The following SSUH2 variants were observed in gnomAD, a reference collection of about 807,000 sequenced individuals.
The protein encoded by SSUH2 is ssu-2 homolog.
SSUH2 carries 47 observed loss-of-function variants against 55.3 expected under a neutral mutation model. The observed-to-expected ratio is 0.85, with a 90% CI of 0.67 to 1.08. The LOEUF (loss-of-function observed/expected upper bound fraction) is 1.08, where lower values mean the gene tolerates loss of function less well. SSUH2 is among the 50% of genes least tolerant of loss of function. The pLI, the probability that SSUH2 is intolerant of heterozygous loss-of-function variation, is 0.00. For synonymous variants in SSUH2, 212 were observed against 191.5 expected (o/e 1.11, Z -0.89); for missense variants, 535 against 490.7 (o/e 1.09, Z -0.85).
chr3:8,629,633 C>CTGTCTCACCAGTGGTTCACAGA, intron 7 of SSUH2, 31 bp downstream of exon 7: 4 of 1,587,720 alleles, frequency 2.5e-6, no homozygotes, highest in Non-Finnish European at 3.5e-6. Context: ...CACACCCTCA[C>CTGTCTCACCAGTGGTTCACAGA]TGACTCACCA....
chr3:8,664,052 C>G, intron 5 of SSUH2: 2 of 334,414 alleles, frequency 6.0e-6, no homozygotes, highest in Admixed American at 7.9e-5. Context: ...GAGGTTTCTG[C>G]TGACCCAGGT....
At chr3:8,652,220 C>G (rs1381343479) in intron 7 of SSUH2, 1 of 152,386 alleles carries the variant, frequency 6.6e-6, no homozygotes, top group Admixed American at 6.5e-5. Flanking sequence ...TCCAAGCACA[C>G]AGAGCCCTCC....
intron 4 of SSUH2, among the ~76,000 whole-genome samples, chr3:8,671,376 C>A (rs1047326367): frequency 6.6e-6 from 1 of 151,886 alleles, no homozygotes; most frequent in Non-Finnish European, 1.5e-5. Context: ...GAGTGTACAC[C>A]CTCTGTGATA....
At chr3:8,628,941 T>C (rs1201952553) in intron 7 of SSUH2, among the ~76,000 whole-genome samples, 2 of 152,338 alleles carry the variant, frequency 1.3e-5, no homozygotes, top group African/African-American at 2.4e-5. Flanking sequence ...CTGCAAGCTC[T>C]GCCTCCTGGG....
At chr3:8,641,230 T>C (rs1700782208) in intron 1 of SSUH2, among the ~76,000 whole-genome samples, 1 of 152,194 alleles carries the variant, frequency 6.6e-6, no homozygotes, top group Non-Finnish European at 1.5e-5. Context: ...TAAGAATCCT[T>C]TGTAAAAGGT....
At chr3:8,640,850 C>A (rs947835700) in intron 1 of SSUH2, among the ~76,000 whole-genome samples, 1 of 152,198 alleles carries the variant, frequency 6.6e-6, no homozygotes, top group Non-Finnish European at 1.5e-5. Flanking sequence ...AGCAAGAATG[C>A]AGCAAATATT....
chr3:8,644,338 A>C (rs941985950), intron 1 of SSUH2, among the ~76,000 whole-genome samples: 8 of 152,214 alleles, frequency 5.3e-5, no homozygotes, highest in Non-Finnish European at 8.8e-5. Context: ...GGAGCAGGAG[A>C]CACTGTCAAC....
At chr3:8,672,914 C>T (rs556240850) in intron 3 of SSUH2, among the ~76,000 whole-genome samples, 4 of 152,062 alleles carry the variant, frequency 2.6e-5, no homozygotes, top group South Asian at 2.1e-4. Flanking sequence ...ACACCTGCTG[C>T]GATATTGAAC....
intron 7 of SSUH2, among the ~76,000 whole-genome samples, chr3:8,653,917 A>C (rs1702683060): frequency 6.6e-6 from 1 of 152,156 alleles, no homozygotes; most frequent in African/African-American, 2.4e-5. Flanking sequence ...CCCAGTGGGA[A>C]CCGTTCCCCT....
At chr3:8,642,601 C>T (rs764687968) in intron 1 of SSUH2, among the ~76,000 whole-genome samples, 3 of 152,232 alleles carry the variant, frequency 2.0e-5, no homozygotes, top group Admixed American at 6.5e-5. Context: ...AGGAGATTTG[C>T]ACATGGGTGC....
chr3:8,623,394 G>A (rs745725730), intron 11 of SSUH2, 155 bp downstream of exon 11: 4 of 586,804 alleles, frequency 6.8e-6, no homozygotes, highest in Admixed American at 2.8e-5. Context: ...CATGCCCTGG[G>A]GCCTTAGGTC....
chr3:8,679,219 A>C (rs1705753590), intron 2 of SSUH2, among the ~76,000 whole-genome samples: 1 of 5,570 alleles, frequency 1.8e-4, no homozygotes, highest in Admixed American at 1.9e-3. Flanking sequence ...GGGGGATGGC[A>C]CCCTCCGTGA....
rs143788656 is a variant in SSUH2 at position 8,623,485 on chromosome 3, G to A, written c.981+64C>T. ...CATCCTTCCGCTCCGACGTTCTCAG[G>A]AAAGAGGGCTCAGCAGCCCAGGAAG... On this transcript the variant is annotated intron_variant, in intron 11 of 11. Coordinates refer to ENST00000544814, the MANE Select transcript of SSUH2 (RefSeq NM_001256748.3). The A allele has an allele frequency of 7.9e-6, 8 of 1,010,958 alleles. No homozygotes were observed. The East Asian group carries it at 1.0e-4, about 13-fold the overall frequency. The allele number at this position is 1,010,958 out of a possible 1,614,324, so 62.6% of individuals were successfully genotyped here. A position where few individuals can be genotyped will look rare whatever the true frequency, so the allele number is the denominator to read the frequency against.
rs955479861 is a variant in SSUH2, at chr3:8,619,538, G to A, written c.*330C>T. The A allele has an allele frequency of 1.2e-5, 3 of 240,110 alleles. No homozygotes were observed. The highest frequency in any genetic ancestry group is 2.4e-5 in the Non-Finnish European group (3 of 125,890). 14.9% of individuals were successfully genotyped at this position (240,110 alleles called of 1,614,324 possible). A position where few individuals can be genotyped will look rare whatever the true frequency, so the allele number is the denominator to read the frequency against. On this transcript the variant is annotated 3_prime_UTR_variant, in exon 12 of 12. Coordinates refer to ENST00000544814, the MANE Select transcript of SSUH2 (RefSeq NM_001256748.3). ...CACACCAGAACCAAGACCGACAAAG[G>A]GAAAAAGCAAAATCAAATCACACGC...
At chr3:8,629,614 C>A in intron 7 of SSUH2, 50 bp downstream of exon 7, 1 of 680,208 alleles carries the variant, frequency 1.5e-6, no homozygotes, top group Non-Finnish European at 2.2e-6. Flanking sequence ...CCCAGGATCC[C>A]CCGGCCACCA....
intron 5 of SSUH2, among the ~76,000 whole-genome samples, chr3:8,667,901 T>C (rs1359717154): frequency 3.9e-5 from 6 of 152,020 alleles, no homozygotes; most frequent in African/African-American, 1.5e-4. Flanking sequence ...TCTCAGCGCA[T>C]TACACCTGAG....
At chr3:8,643,462 G>A (rs1033096103) in intron 1 of SSUH2, among the ~76,000 whole-genome samples, 2 of 152,102 alleles carry the variant, frequency 1.3e-5, no homozygotes, top group Non-Finnish European at 2.9e-5. Flanking sequence ...CAAGAGTATG[G>A]ATATACAATT....
upstream of SSUH2, among the ~76,000 whole-genome samples, chr3:8,645,510 T>G (rs1701564191): frequency 6.6e-6 from 1 of 152,174 alleles, no homozygotes; most frequent in Non-Finnish European, 1.5e-5. Flanking sequence ...CATCCTCCTC[T>G]GCATGAGTCT....
chr3:8,667,197 A>T (rs1302792021), intron 5 of SSUH2, among the ~76,000 whole-genome samples: 2 of 152,210 alleles, frequency 1.3e-5, no homozygotes, highest in Non-Finnish European at 2.9e-5. Context: ...TATAACAAAC[A>T]AGGAGTGGAT....
Sources: allele counts gnomAD v4.1 joint callset (sites outside exome capture counted in the v4.1 genomes callset), GRCh38; gene constraint gnomAD v4.1.1; transcripts MANE v1.5; gene names NCBI Gene and HGNC (gene_info 2026-07-23, HGNC 2026-07-21).